The following TMEM64 variants were observed in gnomAD, a reference collection of about 807,000 sequenced individuals.
TMEM64 encodes the protein transmembrane protein 64.
In TMEM64, 19 loss-of-function variants were observed where a neutral mutation model predicts 24.5. The observed-to-expected ratio is 0.78, with a 90% CI of 0.54 to 1.14. The LOEUF (loss-of-function observed/expected upper bound fraction) is 1.14, where lower values mean the gene tolerates loss of function less well. Among genes scored for constraint, TMEM64 ranks in the 50% most tolerant of loss-of-function variants. The pLI, the probability that TMEM64 is intolerant of heterozygous loss-of-function variation, is 0.00. For synonymous variants in TMEM64, 262 were observed against 224.7 expected (o/e 1.17, Z -1.49); for missense variants, 487 against 493.0 (o/e 0.99, Z 0.12).
intron 2 of TMEM64, among the ~76,000 whole-genome samples, chr8:90,630,326 ATTG>A (rs1036275863): frequency 4.3e-4 from 66 of 151,978 alleles, no homozygotes; most frequent in African/African-American, 1.5e-3. Context: ...TTATTGTTGT[ATTG>A]TTATTTTTAA....
In TMEM64 at chr8:90,645,034, G is replaced by C; in HGVS notation, c.795+77C>G. On this transcript the variant is annotated intron_variant, in intron 1 of 2. Transcript: ENST00000458549. This position sits in a 1 kb window ranked among gnomAD's most constrained non-coding sequence, Gnocchi z 4.2. ...CTTCTCTGCTGGTATTTATCTGATA[G>C]AGCGCCCTCCTAGGGCCGCCACAAG... The C allele has an allele frequency of 1.3e-5, 19 of 1,439,872 alleles. No individual in the cohort carries two copies. Among genetic ancestry groups the C allele is most frequent in the Non-Finnish European group, 1.8e-5 (19 of 1,059,628 alleles). 89.2% of individuals were successfully genotyped at this position (1,439,872 alleles called of 1,614,324 possible). A position where few individuals can be genotyped will look rare whatever the true frequency, so the allele number is the denominator to read the frequency against.
chr8:90,624,411 TAA>T lies in TMEM64; in HGVS notation c.*1258_*1259del, dbSNP rs1172971221. The T allele has an allele frequency of 1.3e-5, 2 of 152,262 alleles. No homozygotes were observed. The highest frequency in any genetic ancestry group is 3.4e-3 in the Middle Eastern group (1 of 294). The allele number at this position is 152,262 out of a possible 1,614,324, so 9.4% of individuals were successfully genotyped here. ...AACCTCATTTGTAAAAAAAAATCATTAAGTTTATAAACTATTTTAAAAATAAA... is the reference window on the plus strand; with the variant it reads ...AACCTCATTTGTAAAAAAAAATCATTGTTTATAAACTATTTTAAAAATAAA... On this transcript the variant is annotated 3_prime_UTR_variant, in exon 3 of 3. Coordinates refer to ENST00000458549, the MANE Select transcript of TMEM64 (RefSeq NM_001008495.4).
rs762204998 is a variant in TMEM64 at position 90,645,101 on chromosome 8, C to A, written c.795+10G>T. The A allele has an allele frequency of 3.8e-6, 6 of 1,594,690 alleles. No homozygotes were observed. Among genetic ancestry groups the A allele is most frequent in the South Asian group, 3.4e-5 (3 of 88,702 alleles). On this transcript the variant is annotated intron_variant, in intron 1 of 2. Coordinates refer to ENST00000458549, the MANE Select transcript of TMEM64 (RefSeq NM_001008495.4). This position sits in a 1 kb window ranked among gnomAD's most constrained non-coding sequence, Gnocchi z 4.2. ...CTTGGAGAGGGATAGGCCAGCGGGA[C>A]CCCACTTACCGAAAACACTGCATTC... is the stretch of plus-strand genomic sequence containing the variant.
Position 90,645,203 on chromosome 8 carries a change from T to A in TMEM64, c.703A>T (p.Ile235Phe). ...CCGCTTCCTCCCTCCACTACGCGAA[T>A]AACCGCGCTCAGCTTCTCGCTGCTC... ...IQSSEKLSAV[I>F]RVVEGGSGLK... The change falls in exon 1 of 3, where the codon ATT (isoleucine) becomes TTT (phenylalanine). Residue 235 changes from isoleucine (I) to phenylalanine (F), a missense_variant. By Grantham distance (21) the Ile-to-Phe change is conservative. Transcript: ENST00000458549. The surrounding 1 kb of genome is among the most constrained non-coding windows in gnomAD (Gnocchi z 4.2). 6.2e-7 allele frequency: 1 copy of A among 1,614,164 alleles called. No homozygotes were observed. The highest frequency in any genetic ancestry group is 8.5e-7 in the Non-Finnish European group (1 of 1,180,030).
rs1809355949 is a variant in TMEM64 at position 90,626,137 on chromosome 8, C to T, written c.952-275G>A. Among the ~76,000 whole-genome samples the T allele has an allele frequency of 2.0e-5, 3 of 152,170 alleles. No homozygotes were observed. The South Asian group carries it at 6.2e-4, about 32-fold the overall frequency. ...TTGGTTCACTTGATACAAGCCAAAC[C>T]TGTCTCTTTGTACCAAAAAGCTTTC... On this transcript the variant is annotated intron_variant, in intron 2 of 2. Transcript: ENST00000458549.
rs1442630605 is a variant in TMEM64, at chr8:90,645,698, G to C, written c.208C>G (p.Leu70Val). The change falls in exon 1 of 3, where the codon CTG (leucine) becomes GTG (valine). Residue 70 changes from leucine to valine, a missense_variant. Transcript: ENST00000458549. This position sits in a 1 kb window ranked among gnomAD's most constrained non-coding sequence, Gnocchi z 4.2. ...AASGALLGAY[L>V]ERHGPPEASE... ...GCCTCGGGCGGACCGTGGCGCTCCA[G>C]ATAGGCGCCGAGCAGGGCGCCCGAG... 1.3e-5 allele frequency: 19 copies of C among 1,411,312 alleles called. No homozygotes were observed. Among genetic ancestry groups the C allele is most frequent in the Admixed American group, 3.0e-5 (1 of 33,160 alleles). The allele number at this position is 1,411,312 out of a possible 1,614,324, so 87.4% of individuals were successfully genotyped here.
chr8:90,642,868 T>A (rs1809625149), intron 1 of TMEM64, among the ~76,000 whole-genome samples: 1 of 152,216 alleles, frequency 6.6e-6, no homozygotes, highest in Admixed American at 6.5e-5. Flanking sequence ...TGGTTGAGCC[T>A]CTGTTTCTTC....
Position 90,645,665 on chromosome 8 carries a change from G to C in TMEM64, c.241C>G (p.Leu81Val), listed in dbSNP as rs1341260094. 1.1e-5 allele frequency: 17 copies of C among 1,520,652 alleles called. No homozygotes were observed. Among genetic ancestry groups the C allele is most frequent in the African/African-American group, 1.1e-4 (8 of 72,088 alleles). 94.2% of individuals were successfully genotyped at this position (1,520,652 alleles called of 1,614,324 possible). A position where few individuals can be genotyped will look rare whatever the true frequency, so the allele number is the denominator to read the frequency against. ...GCCAAGGCCCCGCCCGGCTCCGGCA[G>C]CTCCGAAGCCTCGGGCGGACCGTGG... ...ERHGPPEASE[L>V]PEPGGALAGG... Residue 81 changes from leucine to valine, a missense_variant, in exon 1 of 3, where the codon CTG (leucine) becomes GTG (valine). Leu to Val is a conservative substitution (Grantham distance 32). Coordinates refer to ENST00000458549, the MANE Select transcript of TMEM64 (RefSeq NM_001008495.4). The surrounding 1 kb of genome is among the most constrained non-coding windows in gnomAD (Gnocchi z 4.2).
In TMEM64 at chr8:90,645,640, GC is replaced by G. The variant is rs1563453342; in HGVS notation, c.265del (p.Ala89ArgfsTer18). On this transcript the variant is annotated frameshift_variant, in exon 1 of 3. Transcript: ENST00000458549. LOFTEE classifies it high-confidence loss of function. This position sits in a 1 kb window ranked among gnomAD's most constrained non-coding sequence, Gnocchi z 4.2. ...GCCGCCGCCACTCCCGGGGCCGCCCGCCAAGGCCCCGCCCGGCTCCGGCAGC... is the reference window on the plus strand; with the variant it reads ...GCCGCCGCCACTCCCGGGGCCGCCCGCAAGGCCCCGCCCGGCTCCGGCAGC... ...SELPEPGGAL[A>X]GGPGSGGGGV... 2 of 1,532,666 alleles carry G rather than the reference GC, an allele frequency of 1.3e-6. No homozygotes were observed. The highest frequency in any genetic ancestry group is 3.9e-5 in the Admixed American group (2 of 50,762). The allele number at this position is 1,532,666 out of a possible 1,614,324, so 94.9% of individuals were successfully genotyped here.
intron 1 of TMEM64, among the ~76,000 whole-genome samples, chr8:90,633,808 G>GGCTT (rs1290744049): frequency 1.3e-5 from 2 of 151,778 alleles, no homozygotes; most frequent in African/African-American, 4.8e-5. Context: ...ATTTCCTTAT[G>GGCTT]GCTTCATTTG....
chr8:90,625,467 G>A lies in TMEM64; in HGVS notation c.*204C>T, dbSNP rs1201022790. On this transcript the variant is annotated 3_prime_UTR_variant, in exon 3 of 3. Transcript: ENST00000458549. ...AGGCCAATACAGGCATGATAAAGAG[G>A]TGCAGCCAAATTTGCATCTACATTT... 4 of 495,758 alleles carry A rather than the reference G, an allele frequency of 8.1e-6. No homozygotes were observed. The East Asian group carries it at 1.2e-4, about 15-fold the overall frequency. The allele number at this position is 495,758 out of a possible 1,614,324, so 30.7% of individuals were successfully genotyped here. A position where few individuals can be genotyped will look rare whatever the true frequency, so the allele number is the denominator to read the frequency against.
chr8:90,631,535 C>CT lies in TMEM64; in HGVS notation c.951+16dup. 1 of 1,516,672 alleles carries CT rather than the reference C, an allele frequency of 6.6e-7. No homozygotes were observed. Among genetic ancestry groups the CT allele is most frequent in the South Asian group, 1.3e-5 (1 of 74,452 alleles). 94.0% of individuals were successfully genotyped at this position (1,516,672 alleles called of 1,614,324 possible). A position where few individuals can be genotyped will look rare whatever the true frequency, so the allele number is the denominator to read the frequency against. On this transcript the variant is annotated intron_variant, in intron 2 of 2. Coordinates refer to ENST00000458549, the MANE Select transcript of TMEM64 (RefSeq NM_001008495.4). ...AACAGAGAGAAAAAAAGAGACAACC[C>CT]TTGGCCTTAAACTCACCTGTAAACA...
intron 1 of TMEM64, among the ~76,000 whole-genome samples, chr8:90,631,958 T>C (rs1302342707): frequency 6.6e-6 from 1 of 152,228 alleles, no homozygotes; most frequent in Non-Finnish European, 1.5e-5. Flanking sequence ...GTGACTATTT[T>C]TTCTTTCATG....
In TMEM64 at chr8:90,645,299, G is replaced by A; in HGVS notation, c.607C>T (p.Leu203Phe). 1.3e-6 allele frequency: 2 copies of A among 1,588,488 alleles called. No homozygotes were observed. The highest frequency in any genetic ancestry group is 1.7e-6 in the Non-Finnish European group (2 of 1,167,118). The part of the protein sequence containing the change: ...LGMGLMMVGV[L>F]IGTFIAHVVC... Reference sequence around the variant, plus strand: ...ACATGGGCGATGAAGGTGCCGATGAGGACGCCCACCATCATCAGACCCATG... The same window carrying A: ...ACATGGGCGATGAAGGTGCCGATGAAGACGCCCACCATCATCAGACCCATG... Residue 203 changes from leucine (L) to phenylalanine (F), a missense_variant, in exon 1 of 3, where the codon CTC becomes TTC. Physicochemically the swap from Leu to Phe is conservative, Grantham distance 22. Coordinates refer to ENST00000458549, the MANE Select transcript of TMEM64 (RefSeq NM_001008495.4). This position sits in a 1 kb window ranked among gnomAD's most constrained non-coding sequence, Gnocchi z 4.2.
chr8:90,631,145 A>C (rs1489498148), intron 2 of TMEM64, among the ~76,000 whole-genome samples: 1 of 152,232 alleles, frequency 6.6e-6, no homozygotes, highest in Non-Finnish European at 1.5e-5. Context: ...ACACTAAAAA[A>C]TACAAATAGG....
At chr8:90,629,263 C>G (rs1809405232) in intron 2 of TMEM64, among the ~76,000 whole-genome samples, 2 of 152,122 alleles carry the variant, frequency 1.3e-5, no homozygotes, top group Admixed American at 1.3e-4. Flanking sequence ...GTCTTGTATT[C>G]TAAGCTTAAA....
At chr8:90,634,103 T>C (rs908702181) in intron 1 of TMEM64, among the ~76,000 whole-genome samples, 2 of 152,316 alleles carry the variant, frequency 1.3e-5, no homozygotes, top group Non-Finnish European at 2.9e-5. Flanking sequence ...CTGATTATGT[T>C]TTCCTTTTTA....
At chr8:90,637,106 C>T (rs1353457019) in intron 1 of TMEM64, among the ~76,000 whole-genome samples, 1 of 152,094 alleles carries the variant, frequency 6.6e-6, no homozygotes, top group Non-Finnish European at 1.5e-5. Flanking sequence ...CAAAGAAGTA[C>T]TCCATCTGGG....
intron 1 of TMEM64, among the ~76,000 whole-genome samples, chr8:90,634,009 A>C (rs577307855): frequency 1.3e-5 from 2 of 151,910 alleles, no homozygotes; most frequent in Admixed American, 1.3e-4. Context: ...AATATTATCT[A>C]TTTTTTCCTC....
Sources: allele counts gnomAD v4.1 joint callset (sites outside exome capture counted in the v4.1 genomes callset), GRCh38; gene constraint gnomAD v4.1.1; non-coding constraint Gnocchi (gnomAD v3.1); transcripts MANE v1.5; gene names NCBI Gene and HGNC (gene_info 2026-07-23, HGNC 2026-07-21).